Variants in SNX29 observed in about 807,000 individuals in gnomAD.
The protein encoded by SNX29 is sorting nexin-29.
A neutral mutation model predicts 102.1 loss-of-function variants in SNX29; 78 were observed. That is an observed-to-expected ratio of 0.76 (90% CI 0.64 to 0.92). The LOEUF (loss-of-function observed/expected upper bound fraction) is 0.92, where lower values mean the gene tolerates loss of function less well. SNX29 is among the 40% of genes least tolerant of loss of function. The pLI is 0.00. For missense variants in SNX29, 1,280 were observed against 1,061.7 expected, an observed-to-expected ratio of 1.21 and a Z score of -2.86; for synonymous variants, 580 against 414.5, an observed-to-expected ratio of 1.40 and a Z score of -4.85.
intron 13 of SNX29, among the ~76,000 whole-genome samples, chr16:12,179,572 CA>C (rs1310120552): frequency 2.0e-5 from 3 of 152,244 alleles, no homozygotes; most frequent in Non-Finnish European, 4.4e-5. Flanking sequence ...AGCCTATGGC[CA>C]GTATATACTT....
chr16:12,393,471 G>A (rs2151477423), intron 16 of SNX29, among the ~76,000 whole-genome samples: 1 of 146,062 alleles, frequency 6.8e-6, no homozygotes, highest in East Asian at 2.1e-4. Flanking sequence ...TGGGTTCTTG[G>A]CCAGGCTGCA....
intron 8 of SNX29, among the ~76,000 whole-genome samples, chr16:12,056,616 T>C (rs1042512964): frequency 2.0e-5 from 3 of 152,204 alleles, no homozygotes; most frequent in African/African-American, 7.2e-5. Context: ...TGCCCTGTTG[T>C]CTTTAAGACC....
chr16:12,204,518 G>C (rs554082459), intron 14 of SNX29, among the ~76,000 whole-genome samples: 48 of 152,230 alleles, frequency 3.2e-4, no homozygotes, highest in African/African-American at 1.1e-3. Context: ...AATAGCAATG[G>C]ATTTTAAAGC....
chr16:11,996,061 G>GA (rs774382847), intron 1 of SNX29, among the ~76,000 whole-genome samples: 255 of 129,900 alleles, frequency 2.0e-3, no homozygotes, highest in African/African-American at 3.0e-3. Context: ...CTCCGTCTCA[G>GA]AAAAAAAAAA....
At position 12,568,493 on chromosome 16, in the gene SNX29, C is replaced by T. The variant is rs755988799; in HGVS notation, c.2319-13C>T. ...TCCCCAGACTTAACCCGATTCTCTC[C>T]CTGCTCTTTCAGCGACATCACCCCG... On this transcript the variant is annotated splice_polypyrimidine_tract_variant and intron_variant, in intron 20 of 20. Transcript: ENST00000566228. 1.9e-6 allele frequency: 3 copies of T among 1,609,092 alleles called. No homozygotes were observed. Among genetic ancestry groups the T allele is most frequent in the East Asian group, 2.2e-5 (1 of 44,880 alleles).
At chr16:12,438,876 T>A (rs548794040) in intron 18 of SNX29, among the ~76,000 whole-genome samples, 4 of 152,150 alleles carry the variant, frequency 2.6e-5, no homozygotes, top group Non-Finnish European at 5.9e-5. Flanking sequence ...GAGCCGGGCC[T>A]GTTGGAAGAA....
At chr16:12,107,338 G>GTTTT (rs34594204) in intron 11 of SNX29, among the ~76,000 whole-genome samples, 32 of 137,270 alleles carry the variant, frequency 2.3e-4, no homozygotes, top group Middle Eastern at 3.5e-3. Context: ...AGCACTGTGG[G>GTTTT]TTTTTTTTTT....
intron 1 of SNX29, among the ~76,000 whole-genome samples, chr16:11,978,436 A>C (rs1405190308): frequency 1.3e-5 from 2 of 152,218 alleles, no homozygotes; most frequent in African/African-American, 4.8e-5. Context: ...GAGGATACCT[A>C]GTAGTACCTA....
intron 16 of SNX29, among the ~76,000 whole-genome samples, chr16:12,362,641 C>G (rs1358690492): frequency 7.0e-6 from 1 of 142,324 alleles, no homozygotes; most frequent in Non-Finnish European, 1.5e-5. Flanking sequence ...CACCCAGGGC[C>G]TTTGTTCCTA....
chr16:12,210,810 C>A (rs1213181346), intron 14 of SNX29, among the ~76,000 whole-genome samples: 1 of 152,006 alleles, frequency 6.6e-6, no homozygotes, highest in Non-Finnish European at 1.5e-5. Flanking sequence ...TTTCACTCTG[C>A]TCCGGTCTAT....
intron 14 of SNX29, among the ~76,000 whole-genome samples, chr16:12,267,812 A>T (rs1020503759): frequency 6.6e-6 from 1 of 152,110 alleles, no homozygotes; most frequent in African/African-American, 2.4e-5. Context: ...AGTGATCCCT[A>T]AAAACGTCCA....
At chr16:12,537,772 CAAAA>C (rs201910902) in intron 20 of SNX29, among the ~76,000 whole-genome samples, 9 of 151,380 alleles carry the variant, frequency 5.9e-5, no homozygotes, top group African/African-American at 1.7e-4. Context: ...TTTGTTTAAA[CAAAA>C]AAAAGTAATA....
chr16:12,220,324 A>AAGGG (rs142734328), intron 14 of SNX29, among the ~76,000 whole-genome samples: 12 of 113,832 alleles, frequency 1.1e-4, no homozygotes, highest in East Asian at 2.9e-4. Context: ...GGGAGGGAGG[A>AAGGG]AGGGAGGGAG....
intron 3 of SNX29, among the ~76,000 whole-genome samples, chr16:12,008,888 C>T (rs921494544): frequency 6.6e-6 from 1 of 151,896 alleles, no homozygotes; most frequent in Non-Finnish European, 1.5e-5. Context: ...ACTATAGGTG[C>T]GCGCCTCCAG....
At chr16:12,143,148 C>T (rs565625625) in intron 13 of SNX29, among the ~76,000 whole-genome samples, 8 of 152,140 alleles carry the variant, frequency 5.3e-5, no homozygotes, top group African/African-American at 1.7e-4. Context: ...CAGGCATGCG[C>T]CACCATGCCC....
intron 11 of SNX29, among the ~76,000 whole-genome samples, chr16:12,080,587 C>T (rs2051817375): frequency 6.6e-6 from 1 of 152,150 alleles, no homozygotes; most frequent in Non-Finnish European, 1.5e-5. Context: ...ACCATGCTGT[C>T]CAGGCTGGTC....
chr16:11,979,395 T>C (rs556737614), intron 1 of SNX29, among the ~76,000 whole-genome samples: 12 of 151,982 alleles, frequency 7.9e-5, no homozygotes, highest in Non-Finnish European at 1.2e-4. Context: ...AACATTGTAA[T>C]TGAGGCAGAA....
chr16:12,544,253 C>A (rs1206485607), intron 20 of SNX29, among the ~76,000 whole-genome samples: 1 of 151,046 alleles, frequency 6.6e-6, no homozygotes, highest in Non-Finnish European at 1.5e-5. Flanking sequence ...CTAACTTACC[C>A]AGATTGCAAC....
chr16:12,128,998 C>G (rs73517900), intron 12 of SNX29, among the ~76,000 whole-genome samples: 3,760 of 152,200 alleles, frequency 0.025, 165 homozygotes, highest in African/African-American at 0.087. Flanking sequence ...CTGCCAGCCC[C>G]CTGTTGGAGG....
Sources: allele counts gnomAD v4.1 joint callset (sites outside exome capture counted in the v4.1 genomes callset), GRCh38; gene constraint gnomAD v4.1.1; transcripts MANE v1.5; gene names NCBI Gene and HGNC (gene_info 2026-07-23, HGNC 2026-07-21).